The following GLIS3 variants were observed in gnomAD, a reference collection of about 807,000 sequenced individuals.
The protein encoded by GLIS3 is zinc finger protein GLIS3.
In GLIS3, 53 loss-of-function variants were observed where a neutral mutation model predicts 78.6. The observed-to-expected ratio is 0.67, with a 90% confidence interval of 0.54 to 0.85. GLIS3 has a LOEUF of 0.85. GLIS3 is among the 40% of genes least tolerant of loss of function. GLIS3 has a pLI of 0.00. For synonymous variants in GLIS3, 684 were observed against 509.9 expected (o/e 1.34, Z -4.60); for missense variants, 1,703 against 1,231.1 (o/e 1.38, Z -5.74).
intron 4 of GLIS3, among the ~76,000 whole-genome samples, chr9:4,077,998 C>T (rs1399316759): frequency 6.6e-6 from 1 of 152,060 alleles, no homozygotes; most frequent in African/African-American, 2.4e-5. Flanking sequence ...TTTCTGATAC[C>T]TAGTTCACAA....
At chr9:4,072,751 G>C (rs528212172) in intron 4 of GLIS3, among the ~76,000 whole-genome samples, 1 of 134,708 alleles carries the variant, frequency 7.4e-6, no homozygotes, top group East Asian at 2.3e-4. Flanking sequence ...GTTTTTTTTT[G>C]TTGTTGTTGT....
chr9:4,249,338 A>C (rs1422819385), intron 2 of GLIS3, among the ~76,000 whole-genome samples: 1 of 152,136 alleles, frequency 6.6e-6, no homozygotes, highest in Non-Finnish European at 1.5e-5. Flanking sequence ...GATCCTTCAC[A>C]TCCCTTCTAA....
At chr9:4,485,436 C>A in the GLIS3 span, among the ~76,000 whole-genome samples, 1 of 152,188 alleles carries the variant, frequency 6.6e-6, no homozygotes. Context: ...TGCATAAGGA[C>A]CACTTTCCAC....
the GLIS3 span, among the ~76,000 whole-genome samples, chr9:4,458,177 G>C: frequency 6.6e-6 from 1 of 152,130 alleles, no homozygotes; most frequent in South Asian, 2.1e-4. Context: ...ATTGCAGACT[G>C]TCTTGCTCTA....
At chr9:4,216,488 A>AAAAAAG (rs1820855516) in intron 2 of GLIS3, among the ~76,000 whole-genome samples, 5 of 150,912 alleles carry the variant, frequency 3.3e-5, no homozygotes, top group African/African-American at 1.2e-4. Flanking sequence ...TCAAAAAAAA[A>AAAAAAG]AAAAGAAAAG....
chr9:4,455,681 G>A, the GLIS3 span, among the ~76,000 whole-genome samples: 1 of 152,146 alleles, frequency 6.6e-6, no homozygotes, highest in Non-Finnish European at 1.5e-5. Context: ...ATGGGACATT[G>A]AAAGATAATG....
At chr9:4,425,802 C>T in the GLIS3 span, among the ~76,000 whole-genome samples, 2 of 152,312 alleles carry the variant, frequency 1.3e-5, no homozygotes, top group East Asian at 3.9e-4. Flanking sequence ...ACCAAGCAGG[C>T]CTCCACTGAT....
chr9:3,920,609 G>GTTT (rs34014322), intron 6 of GLIS3, among the ~76,000 whole-genome samples: 68 of 127,782 alleles, frequency 5.3e-4, no homozygotes, highest in South Asian at 3.4e-3. Context: ...AAAAGAACAG[G>GTTT]TTTTTTTTTT....
intron 2 of GLIS3, among the ~76,000 whole-genome samples, chr9:4,127,553 T>A (rs1448970203): frequency 6.6e-6 from 1 of 152,276 alleles, no homozygotes; most frequent in East Asian, 1.9e-4. Context: ...TAGGTACACT[T>A]TTATGTAACT....
intron 4 of GLIS3, among the ~76,000 whole-genome samples, chr9:4,014,315 A>G (rs150593365): frequency 0.028 from 4,288 of 152,070 alleles, 83 homozygotes; most frequent in Middle Eastern, 0.075. Flanking sequence ...AATGGTGTCC[A>G]CCCCCTCCCT....
At chr9:4,142,704 C>T (rs17209669) in intron 2 of GLIS3, among the ~76,000 whole-genome samples, 35,826 of 151,916 alleles carry the variant, frequency 0.24, 4,412 homozygotes, top group Middle Eastern at 0.35. Context: ...TTACAATGGG[C>T]AGAAAAATTA....
At chr9:4,017,695 T>C (rs1375005610) in intron 4 of GLIS3, among the ~76,000 whole-genome samples, 1 of 152,126 alleles carries the variant, frequency 6.6e-6, no homozygotes, top group Non-Finnish European at 1.5e-5. Context: ...CCAGGATGCA[T>C]AGCCTGGTAT....
chr9:4,397,729 G>A, the GLIS3 span, among the ~76,000 whole-genome samples: 41 of 115,256 alleles, frequency 3.6e-4, no homozygotes, highest in African/African-American at 1.1e-3. Flanking sequence ...AGGGAGGGAG[G>A]GAGGAAAAGA....
chr9:4,014,640 C>T (rs1473876628), intron 4 of GLIS3, among the ~76,000 whole-genome samples: 2 of 152,156 alleles, frequency 1.3e-5, no homozygotes, highest in African/African-American at 2.4e-5. Context: ...GTAAGCATGG[C>T]CCTGCCCATG....
intron 2 of GLIS3, among the ~76,000 whole-genome samples, chr9:4,340,399 A>C (rs1817817676): frequency 6.6e-6 from 1 of 151,974 alleles, no homozygotes; most frequent in Non-Finnish European, 1.5e-5. Context: ...TCAACTTCCC[A>C]ATTAAAAGGC....
the GLIS3 span, among the ~76,000 whole-genome samples, chr9:4,468,141 A>T: frequency 6.6e-6 from 1 of 152,266 alleles, no homozygotes; most frequent in African/African-American, 2.4e-5. Flanking sequence ...GGACTATGTG[A>T]AAAGACCAAA....
the GLIS3 span, among the ~76,000 whole-genome samples, chr9:4,475,698 C>T: frequency 6.6e-6 from 1 of 152,078 alleles, no homozygotes; most frequent in Non-Finnish European, 1.5e-5. Flanking sequence ...AAAGGAGGCA[C>T]AGAACAGGGC....
chr9:4,100,145 A>G (rs899451171), intron 4 of GLIS3, among the ~76,000 whole-genome samples: 7 of 152,254 alleles, frequency 4.6e-5, no homozygotes, highest in East Asian at 3.8e-4. Context: ...TTTCTGTTAT[A>G]TATCGGTAAA....
intron 2 of GLIS3, among the ~76,000 whole-genome samples, chr9:4,166,041 G>C (rs760584658): frequency 6.6e-6 from 1 of 152,200 alleles, no homozygotes; most frequent in Non-Finnish European, 1.5e-5. Flanking sequence ...TGCCTTCAAA[G>C]CCTGGGCTAC....
Sources: allele counts gnomAD v4.1 joint callset (sites outside exome capture counted in the v4.1 genomes callset), GRCh38; gene constraint gnomAD v4.1.1; transcripts MANE v1.5; gene names NCBI Gene and HGNC (gene_info 2026-07-23, HGNC 2026-07-21).